The following RIMS2 variants were observed in gnomAD, a reference collection of about 807,000 sequenced individuals.
RIMS2 encodes regulating synaptic membrane exocytosis protein 2.
Under a neutral mutation model 174.4 loss-of-function variants are expected in RIMS2, and 59 were observed. The observed-to-expected ratio is 0.34, with a 90% confidence interval of 0.27 to 0.42. The LOEUF (loss-of-function observed/expected upper bound fraction) is 0.42, where lower values mean the gene tolerates loss of function less well. Among genes scored for constraint, RIMS2 ranks in the 10% least tolerant of loss-of-function variants. The pLI is 1.00. For missense variants in RIMS2, 1,620 were observed against 1,666.3 expected (o/e 0.97, Z 0.48); for synonymous variants, 606 against 572.5 (o/e 1.06, Z -0.84).
At chr8:103,544,338 G>A (rs1423513188) in intron 1 of RIMS2, among the ~76,000 whole-genome samples, 1 of 152,154 alleles carries the variant, frequency 6.6e-6, no homozygotes, top group Non-Finnish European at 1.5e-5. Context: ...CAGCTGGTGG[G>A]TGCAGCTTAC....
At chr8:103,654,884 G>A (rs954133848) in intron 1 of RIMS2, among the ~76,000 whole-genome samples, 4 of 151,810 alleles carry the variant, frequency 2.6e-5, no homozygotes, top group Non-Finnish European at 5.9e-5. Flanking sequence ...GTAGAATAAC[G>A]AAATATTCTA....
At chr8:103,913,542 A>G (rs2076133888) in intron 6 of RIMS2, among the ~76,000 whole-genome samples, 2 of 152,222 alleles carry the variant, frequency 1.3e-5, no homozygotes, top group African/African-American at 4.8e-5. Flanking sequence ...TGGGCTGTGT[A>G]TTAGGTCTTT....
intron 19 of RIMS2, among the ~76,000 whole-genome samples, chr8:104,194,480 C>CT (rs1194405140): frequency 1.3e-5 from 2 of 152,014 alleles, no homozygotes; most frequent in Non-Finnish European, 2.9e-5. Context: ...ATAAAATACG[C>CT]TTTAGATATA....
chr8:103,559,845 C>T (rs138915325), intron 1 of RIMS2, among the ~76,000 whole-genome samples: 1 of 152,262 alleles, frequency 6.6e-6, no homozygotes, highest in African/African-American at 2.4e-5. Context: ...TTACTCACAG[C>T]AATAATAGTA....
At chr8:104,245,037 C>G in exon 20 of RIMS2, 3 of 1,613,758 alleles carry the variant, frequency 1.9e-6, no homozygotes, top group Non-Finnish European at 2.5e-6. Context: ...GTAGCATGAA[C>G]AGCTACAGCT....
intron 1 of RIMS2, among the ~76,000 whole-genome samples, chr8:103,643,914 C>A (rs2096276788): frequency 6.6e-6 from 1 of 151,798 alleles, no homozygotes; most frequent in East Asian, 1.9e-4. Context: ...GGGTATTTAC[C>A]TTCCTCAGGC....
intron 1 of RIMS2, among the ~76,000 whole-genome samples, chr8:103,659,107 G>T (rs2096565783): frequency 6.6e-6 from 1 of 152,152 alleles, no homozygotes; most frequent in South Asian, 2.1e-4. Context: ...TGAAGATTAA[G>T]AATGATATAG....
Position 103,609,107 on chromosome 8 carries a change from T to C in RIMS2, c.177-87979T>C, listed in dbSNP as rs142501183. ...TGATTTGCGTTTTTCTAATGATTAGTGATGTTGAGCATTTTTTCATATGCT... is the reference window on the plus strand; with the variant it reads ...TGATTTGCGTTTTTCTAATGATTAGCGATGTTGAGCATTTTTTCATATGCT... On this transcript the variant is annotated intron_variant, in intron 1 of 23. Coordinates refer to ENST00000504942, the Ensembl canonical transcript of RIMS2. 1.3e-3 allele frequency among the ~76,000 whole-genome samples: 203 copies of C among 152,332 alleles called. 1 individual carries two copies. Among genetic ancestry groups the C allele is most frequent in the African/African-American group, 4.6e-3 (190 of 41,582 alleles).
chr8:104,013,179 G>C (rs895479307), intron 17 of RIMS2, among the ~76,000 whole-genome samples: 4 of 152,130 alleles, frequency 2.6e-5, no homozygotes, highest in African/African-American at 9.7e-5. Context: ...ATTTTGGAAA[G>C]CAGGCAGTTT....
At chr8:104,223,298 A>C in intron 19 of RIMS2, 1 of 871,968 alleles carries the variant, frequency 1.1e-6, no homozygotes, top group Non-Finnish European at 1.4e-6. Context: ...GGACCGCAGC[A>C]TCAGCGGCAT....
intron 2 of RIMS2, among the ~76,000 whole-genome samples, chr8:103,703,345 C>G (rs1323933675): frequency 6.6e-6 from 1 of 152,120 alleles, no homozygotes; most frequent in African/African-American, 2.4e-5. Context: ...TCACATGATT[C>G]TCCTGCCTCA....
At chr8:103,949,088 C>T (rs749442346) in intron 14 of RIMS2, among the ~76,000 whole-genome samples, 8 of 126,826 alleles carry the variant, frequency 6.3e-5, no homozygotes, top group Admixed American at 1.9e-4. Context: ...GATCACACCA[C>T]TACACTCCAG....
In RIMS2 at chr8:103,979,853, T is replaced by C. The variant is rs779974123; in HGVS notation, c.2927+4347T>C. Among the ~76,000 whole-genome samples, 29 of 152,208 alleles carry C rather than the reference T, an allele frequency of 1.9e-4. 1 individual carries two copies. The highest frequency in any genetic ancestry group is 2.8e-4 in the Non-Finnish European group (19 of 68,050). On this transcript the variant is annotated intron_variant, in intron 16 of 23. Coordinates refer to ENST00000504942, the Ensembl canonical transcript of RIMS2. ...GTCATGGCAGAGAGCAAAGCTTTGC[T>C]GGGCTCAGCCAGTGCCTGGATATGG...
chr8:103,814,216 A>G (rs2098705256), intron 3 of RIMS2, among the ~76,000 whole-genome samples: 2 of 152,134 alleles, frequency 1.3e-5, no homozygotes, highest in Non-Finnish European at 2.9e-5. Context: ...GTGGACACAT[A>G]GAGGGGAACA....
intron 1 of RIMS2, among the ~76,000 whole-genome samples, chr8:103,643,741 G>T (rs28817291): frequency 0.075 from 11,469 of 152,038 alleles, 597 homozygotes; most frequent in Non-Finnish European, 0.11. Context: ...TACTGATTTG[G>T]TGGTAAGTGT....
intron 19 of RIMS2, among the ~76,000 whole-genome samples, chr8:104,230,507 A>G (rs2099220327): frequency 6.7e-6 from 1 of 148,160 alleles, no homozygotes; most frequent in East Asian, 2.1e-4. Context: ...GTAGCTGGGC[A>G]TGTTGTCAGG....
intron 2 of RIMS2, among the ~76,000 whole-genome samples, chr8:103,750,172 T>C (rs1277833078): frequency 6.6e-6 from 1 of 152,114 alleles, no homozygotes; most frequent in Non-Finnish European, 1.5e-5. Context: ...TTAACCTATT[T>C]TTTCCCCTAA....
At chr8:104,232,914 G>A (rs1008343805) in intron 19 of RIMS2, among the ~76,000 whole-genome samples, 3 of 151,864 alleles carry the variant, frequency 2.0e-5, no homozygotes, top group African/African-American at 7.3e-5. Context: ...TTTAAATGCT[G>A]GTAAGCCAAA....
chr8:103,998,202 C>G (rs767227927), intron 17 of RIMS2: 2 of 1,607,244 alleles, frequency 1.2e-6, no homozygotes, highest in East Asian at 2.2e-5. Flanking sequence ...CTTACTCTAC[C>G]TCGCTCCAGA....
Sources: gnomAD v4.1 joint callset for allele counts (sites outside exome capture counted in the v4.1 genomes callset) on GRCh38, gnomAD v4.1.1 for gene constraint, MANE v1.5 for transcripts, NCBI Gene and HGNC (gene_info 2026-07-23, HGNC 2026-07-21) for gene names.